The following CDH12 variants were observed in gnomAD, a reference collection of about 807,000 sequenced individuals.
CDH12 encodes cadherin 12, also known as cadherin-12.
CDH12 carries 41 observed loss-of-function variants against 74.1 expected under a neutral mutation model. That is an observed-to-expected ratio of 0.55 (90% CI 0.43 to 0.72). The LOEUF is 0.72. CDH12 is among the 30% of genes least tolerant of loss of function. The probability of loss-of-function intolerance (pLI) is 0.00; values close to 1 mark genes in which losing one functional copy is unlikely to be tolerated. For synonymous variants in CDH12, 399 were observed against 355.0 expected (o/e 1.12, Z -1.39); for missense variants, 945 against 977.2 (o/e 0.97, Z 0.44).
chr5:22,690,365 T>C (rs1037853008), intron 1 of CDH12, among the ~76,000 whole-genome samples: 1 of 152,148 alleles, frequency 6.6e-6, no homozygotes, highest in Non-Finnish European at 1.5e-5. Flanking sequence ...TAATTTTTAA[T>C]GGCCATCCAA....
At chr5:22,520,884 C>T (rs1319172128) in intron 1 of CDH12, among the ~76,000 whole-genome samples, 3 of 152,036 alleles carry the variant, frequency 2.0e-5, no homozygotes, top group East Asian at 1.9e-4. Flanking sequence ...GTATATTGCA[C>T]GTGGTTTCCG....
At chr5:22,372,610 C>T (rs1741341491) in intron 3 of CDH12, among the ~76,000 whole-genome samples, 1 of 152,190 alleles carries the variant, frequency 6.6e-6, no homozygotes, top group African/African-American at 2.4e-5. Flanking sequence ...AGAGTGGAGG[C>T]TGGGTACTTT....
Position 21,751,884 on chromosome 5 carries a change from G to A in CDH12, c.2238C>T (p.Ser746=), listed in dbSNP as rs766384231. 4 of 1,613,926 alleles carry A rather than the reference G, an allele frequency of 2.5e-6. No individual in the cohort carries two copies. The highest frequency in any genetic ancestry group is 1.1e-5 in the South Asian group (1 of 91,064). The change falls in exon 15 of 15, where the codon TCC becomes TCT. Residue 746 remains serine (S), a synonymous_variant. Transcript: ENST00000382254. ...CTATAGAGCTGAGGGACTCTGCCAC[G>A]GACCCACTCCCTTCGTAGGCATATG... The part of the protein sequence containing the change: ...LATYAYEGSG[S]VAESLSSIDS...
chr5:22,258,087 G>C (rs1454376647), intron 3 of CDH12, among the ~76,000 whole-genome samples: 1 of 151,954 alleles, frequency 6.6e-6, no homozygotes, highest in South Asian at 2.1e-4. Flanking sequence ...CATTAGCTGA[G>C]GACGTAAAGT....
chr5:22,576,841 G>T (rs1317821166), intron 1 of CDH12, among the ~76,000 whole-genome samples: 1 of 152,204 alleles, frequency 6.6e-6, no homozygotes, highest in African/African-American at 2.4e-5. Flanking sequence ...TGTGCCAAGG[G>T]AAAGATGTTT....
chr5:22,578,031 A>G (rs1739880797), intron 1 of CDH12, among the ~76,000 whole-genome samples: 1 of 152,166 alleles, frequency 6.6e-6, no homozygotes, highest in Non-Finnish European at 1.5e-5. Flanking sequence ...CAACTAGTGG[A>G]TGAAAATATG....
chr5:22,326,803 G>C (rs545296037), intron 3 of CDH12, among the ~76,000 whole-genome samples: 8 of 152,110 alleles, frequency 5.3e-5, no homozygotes, highest in South Asian at 2.1e-4. Flanking sequence ...TATGAATGTG[G>C]CAAGGTTTAA....
chr5:22,588,887 A>T (rs1740542064), intron 1 of CDH12, among the ~76,000 whole-genome samples: 1 of 152,034 alleles, frequency 6.6e-6, no homozygotes, highest in Non-Finnish European at 1.5e-5. Context: ...TTTCTCTTGC[A>T]TTGTAATTTT....
intron 1 of CDH12, among the ~76,000 whole-genome samples, chr5:22,805,088 C>T (rs1748713994): frequency 6.6e-6 from 1 of 152,064 alleles, no homozygotes; most frequent in Admixed American, 6.6e-5. Context: ...TTAATATTAT[C>T]TGACACATTT....
intron 6 of CDH12, among the ~76,000 whole-genome samples, chr5:21,873,687 T>C (rs147198670): frequency 8.5e-4 from 130 of 152,348 alleles, no homozygotes; most frequent in African/African-American, 2.3e-3. Context: ...GTTTGTTACA[T>C]AGGTAAACGT....
intron 5 of CDH12, among the ~76,000 whole-genome samples, chr5:22,044,045 T>C (rs1441465142): frequency 2.6e-5 from 4 of 152,142 alleles, no homozygotes; most frequent in African/African-American, 7.2e-5. Flanking sequence ...GTAGTCACTA[T>C]GGAAATAGCA....
intron 3 of CDH12, among the ~76,000 whole-genome samples, chr5:22,234,147 T>C (rs1035407782): frequency 1.3e-5 from 2 of 152,170 alleles, no homozygotes; most frequent in East Asian, 1.9e-4. Context: ...ATATCACTTT[T>C]TGAATATCTA....
intron 1 of CDH12, among the ~76,000 whole-genome samples, chr5:22,628,290 A>T (rs1198733646): frequency 6.6e-6 from 1 of 152,162 alleles, no homozygotes; most frequent in Non-Finnish European, 1.5e-5. Context: ...AAACAACAGA[A>T]TATACATTCT....
intron 3 of CDH12, among the ~76,000 whole-genome samples, chr5:22,276,982 A>G (rs1041349974): frequency 2.0e-5 from 3 of 152,236 alleles, no homozygotes; most frequent in Admixed American, 2.0e-4. Flanking sequence ...CCAAGTGACT[A>G]ATTCAGTAAG....
chr5:21,845,368 T>C (rs1216733675), intron 7 of CDH12, among the ~76,000 whole-genome samples: 3 of 152,080 alleles, frequency 2.0e-5, no homozygotes, highest in South Asian at 2.1e-4. Context: ...CCACTCCTAA[T>C]GGTCAAAGCT....
chr5:22,345,914 G>A (rs958260914), intron 3 of CDH12, among the ~76,000 whole-genome samples: 2 of 152,122 alleles, frequency 1.3e-5, no homozygotes, highest in Admixed American at 6.5e-5. Context: ...GACCAGCCTG[G>A]CAAACGTAGT....
At position 21,820,893 on chromosome 5, in the gene CDH12, T is replaced by C. The variant is rs552526830; in HGVS notation, c.815-3761A>G. Among the ~76,000 whole-genome samples, 4 of 152,104 alleles carry C rather than the reference T, an allele frequency of 2.6e-5. No homozygotes were observed. In the South Asian group the frequency reaches 8.3e-4, roughly 31 times the overall value. Reference sequence around the variant, plus strand: ...TATGAAACATCTTAATGGCACTACCTGTACCACACAAATTGAGAAATAAAA... The same window carrying C: ...TATGAAACATCTTAATGGCACTACCCGTACCACACAAATTGAGAAATAAAA... On this transcript the variant is annotated intron_variant, in intron 8 of 14. Coordinates refer to ENST00000382254, the MANE Select transcript of CDH12 (RefSeq NM_004061.5).
Position 22,177,580 on chromosome 5 carries a change from AGCTTTGAAACT to A in CDH12, c.-187+34907_-187+34917del, listed in dbSNP as rs371062738. ...TTACCCTTCTATTGGATCTCTATAT[AGCTTTGAAACT>A]GATTAAAGCTGGCTTTGATTTCCAC... is the stretch of plus-strand genomic sequence containing the variant. On this transcript the variant is annotated intron_variant, in intron 4 of 14. Transcript: ENST00000382254. Among the ~76,000 whole-genome samples, 64 of 152,328 alleles carry A rather than the reference AGCTTTGAAACT, an allele frequency of 4.2e-4. 1 individual carries two copies. In the East Asian group the frequency reaches 0.011, roughly 26 times the overall value.
chr5:22,115,818 A>T (rs1745060170), intron 4 of CDH12, among the ~76,000 whole-genome samples: 1 of 150,348 alleles, frequency 6.7e-6, no homozygotes, highest in Admixed American at 6.7e-5. Context: ...CAACCTCCCA[A>T]GCAGCTGGGA....
Sources: gnomAD v4.1 joint callset for allele counts (sites outside exome capture counted in the v4.1 genomes callset) on GRCh38, gnomAD v4.1.1 for gene constraint, MANE v1.5 for transcripts, NCBI Gene and HGNC (gene_info 2026-07-23, HGNC 2026-07-21) for gene names.